GALNT13: variants seen among roughly 807,000 people sequenced by gnomAD.
The protein encoded by GALNT13 is polypeptide N-acetylgalactosaminyltransferase 13, also known as UDP-GalNAc:polypeptide N-acetylgalactosaminyltransferase 13.
In GALNT13, 28 loss-of-function variants were observed where a neutral mutation model predicts 64.2. The ratio of observed to expected loss-of-function variants is 0.44; its 90% CI spans 0.32 to 0.60. The LOEUF (loss-of-function observed/expected upper bound fraction) is 0.60, where lower values mean the gene tolerates loss of function less well. GALNT13 is among the 20% of genes least tolerant of loss of function. The probability of loss-of-function intolerance (pLI) is 0.05; values close to 1 mark genes in which losing one functional copy is unlikely to be tolerated. For synonymous variants in GALNT13, 214 were observed against 224.6 expected (o/e 0.95, Z 0.42); for missense variants, 577 against 669.8 (o/e 0.86, Z 1.53).
intron 3 of GALNT13, among the ~76,000 whole-genome samples, chr2:154,054,482 G>A (rs1384121462): frequency 1.3e-5 from 2 of 151,904 alleles, no homozygotes; most frequent in African/African-American, 4.8e-5. Context: ...CTAGTATATA[G>A]GAGTTTTACT....
At chr2:154,290,566 G>A (rs968747994) in intron 8 of GALNT13, among the ~76,000 whole-genome samples, 1 of 152,156 alleles carries the variant, frequency 6.6e-6, no homozygotes, top group Admixed American at 6.5e-5. Context: ...CTTGTTAAAA[G>A]GCCAGAACCA....
At chr2:154,080,440 T>C (rs374932808) in intron 3 of GALNT13, among the ~76,000 whole-genome samples, 1 of 151,672 alleles carries the variant, frequency 6.6e-6, no homozygotes, top group African/African-American at 2.4e-5. Context: ...TAAGAAAAAC[T>C]TGAAATGCAC....
At chr2:154,428,974 A>T (rs1700590866) in intron 11 of GALNT13, among the ~76,000 whole-genome samples, 2 of 152,096 alleles carry the variant, frequency 1.3e-5, no homozygotes, top group South Asian at 2.1e-4. Context: ...CTATATAACA[A>T]CAGTGAACTT....
At chr2:153,926,988 C>T (rs1574132862) in intron 2 of GALNT13, among the ~76,000 whole-genome samples, 1 of 152,144 alleles carries the variant, frequency 6.6e-6, no homozygotes, top group East Asian at 1.9e-4. Flanking sequence ...CAGTTGCAAT[C>T]ATAGTGCATT....
intron 2 of GALNT13, among the ~76,000 whole-genome samples, chr2:153,930,097 GAC>G (rs1690414139): frequency 6.6e-6 from 1 of 152,150 alleles, no homozygotes; most frequent in African/African-American, 2.4e-5. Flanking sequence ...AATTATTAGT[GAC>G]GTTTATCGTT....
At chr2:153,505,188 G>A in the GALNT13 span, among the ~76,000 whole-genome samples, 1 of 151,964 alleles carries the variant, frequency 6.6e-6, no homozygotes, top group Non-Finnish European at 1.5e-5. Context: ...TAGTAGCCTT[G>A]AATAATATTT....
At chr2:153,936,172 A>C (rs1166231598) in intron 2 of GALNT13, among the ~76,000 whole-genome samples, 1 of 152,238 alleles carries the variant, frequency 6.6e-6, no homozygotes, top group African/African-American at 2.4e-5. Flanking sequence ...CACAATAAAA[A>C]TAGAAATACA....
chr2:154,316,597 G>T (rs1480973648), intron 9 of GALNT13, among the ~76,000 whole-genome samples: 1 of 152,130 alleles, frequency 6.6e-6, no homozygotes, highest in South Asian at 2.1e-4. Context: ...TTAGCTCAGG[G>T]TTATGGAGAT....
At chr2:153,605,006 C>T in the GALNT13 span, among the ~76,000 whole-genome samples, 6 of 151,940 alleles carry the variant, frequency 3.9e-5, no homozygotes, top group Admixed American at 3.9e-4. Flanking sequence ...AACTGGAATC[C>T]AAGCCAGGAC....
the GALNT13 span, among the ~76,000 whole-genome samples, chr2:153,427,035 A>T: frequency 3.2e-4 from 48 of 152,148 alleles, no homozygotes; most frequent in African/African-American, 1.1e-3. Context: ...GCAGACTACA[A>T]GGATAAATAA....
At chr2:153,395,971 G>A in the GALNT13 span, among the ~76,000 whole-genome samples, 3 of 152,070 alleles carry the variant, frequency 2.0e-5, no homozygotes, top group African/African-American at 7.2e-5. Context: ...GGTCCAGATG[G>A]TCTTTGTCAC....
chr2:153,099,095 A>G, the GALNT13 span, among the ~76,000 whole-genome samples: 11 of 152,224 alleles, frequency 7.2e-5, no homozygotes, highest in African/African-American at 2.7e-4. Flanking sequence ...CCTGGGCAAC[A>G]GAGTGAGACT....
At chr2:153,845,650 T>A in the GALNT13 span, among the ~76,000 whole-genome samples, 1 of 152,166 alleles carries the variant, frequency 6.6e-6, no homozygotes, top group South Asian at 2.1e-4. Flanking sequence ...AACTTTAGTA[T>A]TTTAGGGGTT....
chr2:153,742,760 TTTATGGC>T, the GALNT13 span, among the ~76,000 whole-genome samples: 1 of 152,040 alleles, frequency 6.6e-6, no homozygotes, highest in Non-Finnish European at 1.5e-5. Context: ...TCATTCTCTT[TTTATGGC>T]TGCATAGTAT....
intron 1 of GALNT13, among the ~76,000 whole-genome samples, chr2:153,894,398 T>C (rs1687756917): frequency 6.6e-6 from 1 of 152,092 alleles, no homozygotes; most frequent in Admixed American, 6.6e-5. Context: ...AATTGGCTGA[T>C]GAAGTACAGA....
the GALNT13 span, among the ~76,000 whole-genome samples, chr2:153,340,578 C>A: frequency 6.6e-6 from 1 of 151,648 alleles, no homozygotes; most frequent in Middle Eastern, 3.2e-3. Context: ...TTGCTTGAAC[C>A]CAGGAGGCAG....
chr2:153,956,165 T>C (rs1692554572), intron 3 of GALNT13, among the ~76,000 whole-genome samples: 1 of 152,140 alleles, frequency 6.6e-6, no homozygotes, highest in Non-Finnish European at 1.5e-5. Flanking sequence ...GAAAACACTG[T>C]TCCCACAGAC....
the GALNT13 span, among the ~76,000 whole-genome samples, chr2:153,549,642 A>G: frequency 2.6e-5 from 4 of 152,320 alleles, no homozygotes; most frequent in African/African-American, 9.6e-5. Context: ...TCAGAGGCCA[A>G]ATACAAGAAT....
chr2:153,097,780 A>G, the GALNT13 span, among the ~76,000 whole-genome samples: 6 of 152,158 alleles, frequency 3.9e-5, no homozygotes, highest in African/African-American at 1.2e-4. Flanking sequence ...TACATAACAT[A>G]CAGTTTCCAG....
Sources: gnomAD v4.1 joint callset for allele counts (sites outside exome capture counted in the v4.1 genomes callset) on GRCh38, gnomAD v4.1.1 for gene constraint, MANE v1.5 for transcripts, NCBI Gene and HGNC (gene_info 2026-07-23, HGNC 2026-07-21) for gene names.